ERC2: variants seen among roughly 807,000 people sequenced by gnomAD.
The protein encoded by ERC2 is ERC protein 2.
A neutral mutation model predicts 114.8 loss-of-function variants in ERC2; 42 were observed. That is an observed-to-expected ratio of 0.37 (90% CI 0.29 to 0.47). The LOEUF (loss-of-function observed/expected upper bound fraction) is 0.47, where lower values mean the gene tolerates loss of function less well. Ranked by LOEUF, ERC2 falls within the 20% of genes least tolerant of loss-of-function variation. The pLI, the probability that ERC2 is intolerant of heterozygous loss-of-function variation, is 0.99. For missense variants in ERC2, 939 were observed against 1,150.7 expected, an observed-to-expected ratio of 0.82 and a Z score of 2.66; for synonymous variants, 454 against 425.5, an observed-to-expected ratio of 1.07 and a Z score of -0.82.
intron 15 of ERC2, among the ~76,000 whole-genome samples, chr3:55,703,782 T>A (rs147038161): frequency 1.3e-5 from 2 of 152,362 alleles, no homozygotes; most frequent in African/African-American, 2.4e-5. Context: ...TAACTTTTGA[T>A]GTGGCAGTTT....
intron 17 of ERC2, among the ~76,000 whole-genome samples, chr3:55,571,820 G>A (rs150881836): frequency 1.3e-5 from 2 of 152,266 alleles, no homozygotes; most frequent in East Asian, 1.9e-4. Flanking sequence ...ACTAGCACAG[G>A]GCCTAGCACA....
At chr3:56,109,994 C>T (rs13326443) in intron 6 of ERC2, among the ~76,000 whole-genome samples, 2,330 of 152,214 alleles carry the variant, frequency 0.015, 50 homozygotes, top group African/African-American at 0.037. Flanking sequence ...TAAATGTCTG[C>T]ATTAACTAAG....
intron 16 of ERC2, among the ~76,000 whole-genome samples, chr3:55,684,726 G>T (rs2062237081): frequency 6.6e-6 from 1 of 152,158 alleles, no homozygotes; most frequent in African/African-American, 2.4e-5. Flanking sequence ...GAGGGAAATG[G>T]AATCTTTGAA....
intron 17 of ERC2, among the ~76,000 whole-genome samples, chr3:55,645,679 C>T (rs2060363509): frequency 6.6e-6 from 1 of 152,116 alleles, no homozygotes; most frequent in Non-Finnish European, 1.5e-5. Flanking sequence ...AGTTGACTCT[C>T]GACACAGTGG....
intron 6 of ERC2, among the ~76,000 whole-genome samples, chr3:56,088,840 C>T (rs2077639291): frequency 1.3e-5 from 2 of 152,060 alleles, no homozygotes; most frequent in Non-Finnish European, 1.5e-5. Context: ...AGCATGGTAC[C>T]TGGCACTTAG....
chr3:56,317,169 A>T (rs576253559), intron 2 of ERC2, among the ~76,000 whole-genome samples: 29 of 152,360 alleles, frequency 1.9e-4, no homozygotes, highest in African/African-American at 6.5e-4. Context: ...GGAGGGAGGC[A>T]TCAATCTGGT....
chr3:56,007,552 G>T (rs568352568), intron 9 of ERC2, among the ~76,000 whole-genome samples: 2 of 152,162 alleles, frequency 1.3e-5, no homozygotes, highest in East Asian at 3.9e-4. Context: ...CAAATGGTGT[G>T]GTCAGTAAAT....
chr3:56,259,173 T>G (rs934308154), intron 3 of ERC2, among the ~76,000 whole-genome samples: 2 of 152,018 alleles, frequency 1.3e-5, no homozygotes, highest in Non-Finnish European at 2.9e-5. Context: ...GGTTTCTCCA[T>G]GTTGATCAGG....
At chr3:55,865,367 T>C (rs1052146699) in intron 14 of ERC2, among the ~76,000 whole-genome samples, 7 of 152,168 alleles carry the variant, frequency 4.6e-5, no homozygotes, top group African/African-American at 1.7e-4. Context: ...TATTCTCCTT[T>C]CAAACAGGCT....
intron 1 of ERC2, among the ~76,000 whole-genome samples, chr3:56,437,976 G>A (rs1232116406): frequency 6.6e-6 from 1 of 152,186 alleles, no homozygotes; most frequent in African/African-American, 2.4e-5. Flanking sequence ...ACACATCAAA[G>A]TGTTACCAGT....
Position 56,280,385 on chromosome 3 carries a change from G to A in ERC2, c.1074+15634C>T, listed in dbSNP as rs112018394. On this transcript the variant is annotated intron_variant, in intron 3 of 17. Coordinates refer to ENST00000288221, the MANE Select transcript of ERC2 (RefSeq NM_015576.3). ...ACTAAGTTTGTGGTAATTTGTTACC[G>A]CAGCAATAAAAAACTAATACAGGGA... 2.1e-3 allele frequency among the ~76,000 whole-genome samples: 314 copies of A among 152,262 alleles called. 1 individual carries two copies. The highest frequency in any genetic ancestry group is 6.7e-3 in the African/African-American group (278 of 41,546).
intron 2 of ERC2, among the ~76,000 whole-genome samples, chr3:56,335,642 G>T (rs971515091): frequency 6.6e-6 from 1 of 152,188 alleles, no homozygotes; most frequent in Non-Finnish European, 1.5e-5. Flanking sequence ...CTGAAGAAAA[G>T]TAGACTAAGA....
chr3:56,088,116 C>T (rs967367323), intron 6 of ERC2, among the ~76,000 whole-genome samples: 2 of 152,032 alleles, frequency 1.3e-5, no homozygotes, highest in Non-Finnish European at 2.9e-5. Context: ...TACCACACTC[C>T]TTTTCTTCCT....
At chr3:55,647,307 C>A (rs928582520) in intron 17 of ERC2, 1 of 152,092 alleles carries the variant, frequency 6.6e-6, no homozygotes, top group Non-Finnish European at 1.5e-5. Context: ...GAACTAAGTT[C>A]TTTGGGGATT....
chr3:55,856,897 T>C (rs1395616949), intron 14 of ERC2, among the ~76,000 whole-genome samples: 1 of 152,142 alleles, frequency 6.6e-6, no homozygotes, highest in Non-Finnish European at 1.5e-5. Flanking sequence ...TTATGCTCTA[T>C]GAAACAAGAC....
chr3:56,179,207 G>A (rs537116375), intron 3 of ERC2, among the ~76,000 whole-genome samples: 2 of 152,168 alleles, frequency 1.3e-5, no homozygotes, highest in African/African-American at 4.8e-5. Flanking sequence ...GAGGGAACAA[G>A]CTGTGTAGAT....
intron 17 of ERC2, among the ~76,000 whole-genome samples, chr3:55,573,257 G>A (rs2056814057): frequency 6.6e-6 from 1 of 152,172 alleles, no homozygotes; most frequent in Non-Finnish European, 1.5e-5. Context: ...CTGTGCCTCA[G>A]TTCCCTCATC....
chr3:55,783,358 G>C (rs1449365240), intron 14 of ERC2, among the ~76,000 whole-genome samples: 1 of 152,112 alleles, frequency 6.6e-6, no homozygotes, highest in Non-Finnish European at 1.5e-5. Flanking sequence ...CAAGATCACA[G>C]GGCTAAGGTA....
intron 17 of ERC2, among the ~76,000 whole-genome samples, chr3:55,523,783 G>T (rs1214101262): frequency 2.6e-5 from 4 of 152,160 alleles, no homozygotes; most frequent in African/African-American, 9.7e-5. Flanking sequence ...GTTCATTGAT[G>T]GTAACACACA....
Sources: gnomAD v4.1 joint callset for allele counts (sites outside exome capture counted in the v4.1 genomes callset) on GRCh38, gnomAD v4.1.1 for gene constraint, MANE v1.5 for transcripts, NCBI Gene and HGNC (gene_info 2026-07-23, HGNC 2026-07-21) for gene names.